The following KHDC1 variants were observed in gnomAD, a reference collection of about 807,000 sequenced individuals.
KHDC1 encodes the protein KH domain containing 1.
Under a neutral mutation model 24.7 loss-of-function variants are expected in KHDC1, and 21 were observed. The ratio of observed to expected loss-of-function variants is 0.85; its 90% CI spans 0.60 to 1.23. KHDC1 has a LOEUF of 1.23. Among genes scored for constraint, KHDC1 ranks in the 50% most tolerant of loss-of-function variants. The probability of loss-of-function intolerance (pLI) is 0.00; values close to 1 mark genes in which losing one functional copy is unlikely to be tolerated. For missense variants in KHDC1, 274 were observed against 298.5 expected, an observed-to-expected ratio of 0.92 and a Z score of 0.61; for synonymous variants, 98 against 111.7, an observed-to-expected ratio of 0.88 and a Z score of 0.77.
At chr6:73,283,112 TAA>T (rs1404285632) in intron 2 of KHDC1, among the ~76,000 whole-genome samples, 1 of 152,198 alleles carries the variant, frequency 6.6e-6, no homozygotes, top group Non-Finnish European at 1.5e-5. Context: ...CTCTCCACTG[TAA>T]AGTTACTCAT....
rs189071540 is a variant in KHDC1, at chr6:73,301,684, T to G, written c.163+7868A>C. Among the ~76,000 whole-genome samples, 16 of 152,156 alleles carry G rather than the reference T, an allele frequency of 1.1e-4. No individual in the cohort carries two copies. The East Asian group carries it at 3.1e-3, about 29-fold the overall frequency. ...TCTCACTCTCTTGCCCAGTCTGGAG[T>G]ACAGTGGCACAATCACAGCTCACTG... On this transcript the variant is annotated intron_variant, in intron 1 of 4. Coordinates refer to ENST00000370384, the Ensembl canonical transcript of KHDC1.
chr6:73,252,962 C>T (rs1278679645), intron 2 of KHDC1, among the ~76,000 whole-genome samples: 2 of 152,098 alleles, frequency 1.3e-5, no homozygotes, highest in Non-Finnish European at 2.9e-5. Flanking sequence ...CATAAAAGAT[C>T]ATCCTTTTGG....
intron 2 of KHDC1, chr6:73,290,514 CT>C (rs36033226): frequency 2.0e-3 from 751 of 370,946 alleles, no homozygotes; most frequent in South Asian, 4.0e-3. Flanking sequence ...ATATCATAAT[CT>C]TTTTTTTTTC....
At chr6:73,262,650 T>G (rs1468036695) in intron 2 of KHDC1, 124 bp downstream of exon 1, 1 of 751,638 alleles carries the variant, frequency 1.3e-6, no homozygotes, top group African/African-American at 1.9e-5. Flanking sequence ...TTAATTTTTC[T>G]CTTTATACTG....
At chr6:73,292,745 C>T (rs993687855) in intron 1 of KHDC1, 15 of 733,716 alleles carry the variant, frequency 2.0e-5, no homozygotes, top group African/African-American at 6.9e-5. Flanking sequence ...CAAGGATGTT[C>T]GAAAACGTTG....
intron 1 of KHDC1, among the ~76,000 whole-genome samples, chr6:73,307,810 C>G (rs1287911272): frequency 5.9e-5 from 9 of 152,168 alleles, no homozygotes; most frequent in Non-Finnish European, 1.0e-4. Context: ...ATCCACATCA[C>G]CTGGAGGTCT....
chr6:73,263,042 C>T, intron 2 of KHDC1: 8 of 936,334 alleles, frequency 8.5e-6, no homozygotes, highest in Non-Finnish European at 9.9e-6. Context: ...CTGAGTAGGG[C>T]GGCGGCGGCG....
At chr6:73,283,598 C>A (rs1290629660) in intron 2 of KHDC1, among the ~76,000 whole-genome samples, 1 of 146,534 alleles carries the variant, frequency 6.8e-6, no homozygotes, top group African/African-American at 2.5e-5. Flanking sequence ...ATTCTGTTTT[C>A]TTTAATTTTT....
intron 2 of KHDC1, among the ~76,000 whole-genome samples, chr6:73,266,521 T>C (rs956477947): frequency 2.0e-4 from 30 of 152,180 alleles, no homozygotes; most frequent in African/African-American, 6.5e-4. Flanking sequence ...GACCATTCGA[T>C]GGAGGAGGGA....
At chr6:73,292,404 C>G (rs549378571) in intron 1 of KHDC1, 54 of 778,692 alleles carry the variant, frequency 6.9e-5, no homozygotes, top group Admixed American at 6.8e-5. Flanking sequence ...TCAGGAGCAG[C>G]AGAATATCTT....
chr6:73,248,960 A>G (rs918907024), intron 2 of KHDC1, among the ~76,000 whole-genome samples: 1 of 151,866 alleles, frequency 6.6e-6, no homozygotes, highest in Admixed American at 6.6e-5. Context: ...AAAAAAAAGA[A>G]AGAAAGAAAA....
intron 2 of KHDC1, among the ~76,000 whole-genome samples, chr6:73,266,194 C>A (rs1427437188): frequency 6.6e-6 from 1 of 152,090 alleles, no homozygotes; most frequent in Non-Finnish European, 1.5e-5. Flanking sequence ...GAGTATAGTA[C>A]CTTTTGGCCT....
intron 1 of KHDC1, chr6:73,299,420 C>T (rs1767822074): frequency 6.6e-6 from 1 of 152,292 alleles, no homozygotes; most frequent in East Asian, 1.9e-4. Flanking sequence ...ACATTCTCTT[C>T]CAACGGAGCC....
At chr6:73,247,941 C>T (rs1438341226) in intron 2 of KHDC1, among the ~76,000 whole-genome samples, 1 of 151,820 alleles carries the variant, frequency 6.6e-6, no homozygotes, top group Non-Finnish European at 1.5e-5. Flanking sequence ...CTTGCTGCTT[C>T]CCTCAGTCAA....
rs1767017717 is a variant in KHDC1, at chr6:73,263,196, T to TGGCGGCGACCCCGCCGGAAGC, written c.207-20687_207-20667dup. The stretch of plus-strand genomic sequence containing the variant: ...CGCGCGAGGCGCGCTCGAGCGGAAG[T>TGGCGGCGACCCCGCCGGAAGC]GGCGGCGACCCCGCCGGAAGCGCGC... On this transcript the variant is annotated intron_variant, in intron 2 of 4. Transcript: ENST00000370384. 4.1e-6 allele frequency: 4 copies of TGGCGGCGACCCCGCCGGAAGC among 986,814 alleles called. No individual in the cohort carries two copies. The South Asian group carries it at 1.8e-4, about 45-fold the overall frequency. 61.1% of individuals were successfully genotyped at this position (986,814 alleles called of 1,614,324 possible).
intron 2 of KHDC1, among the ~76,000 whole-genome samples, chr6:73,272,005 T>TAA (rs77110116): frequency 1.3e-5 from 2 of 149,598 alleles, no homozygotes; most frequent in Middle Eastern, 3.4e-3. Flanking sequence ...TAATCCCATT[T>TAA]AAAAAAAAAG....
intron 2 of KHDC1, chr6:73,268,468 C>G (rs1767115152): frequency 6.6e-6 from 1 of 152,368 alleles, no homozygotes. Context: ...GTTGCCGCTG[C>G]TGGCTCCGGA....
exon 1 of KHDC1, chr6:73,309,966 C>G (rs1768050743): frequency 4.3e-6 from 2 of 464,908 alleles, no homozygotes; most frequent in Non-Finnish European, 7.6e-6. Flanking sequence ...TCCCAGGGCT[C>G]AAGCTCCAGG....
intron 2 of KHDC1, among the ~76,000 whole-genome samples, chr6:73,257,686 C>T (rs1766906099): frequency 1.3e-5 from 2 of 152,010 alleles, no homozygotes; most frequent in Admixed American, 1.3e-4. Context: ...CGTGAGCCAC[C>T]ATGCCTGGCC....
Sources: gnomAD v4.1 joint callset for allele counts (sites outside exome capture counted in the v4.1 genomes callset) on GRCh38, gnomAD v4.1.1 for gene constraint, MANE v1.5 for transcripts, NCBI Gene and HGNC (gene_info 2026-07-23, HGNC 2026-07-21) for gene names.